The following CSMD1 variants were observed in gnomAD, a reference collection of about 807,000 sequenced individuals.
The protein encoded by CSMD1 is CUB and sushi domain-containing protein 1.
CSMD1 carries 213 observed loss-of-function variants against 417.5 expected under a neutral mutation model. That is an observed-to-expected ratio of 0.51 (90% CI 0.46 to 0.57). The LOEUF is 0.57. CSMD1 is among the 20% of genes least tolerant of loss of function. The probability of loss-of-function intolerance (pLI) is 0.00; values close to 1 mark genes in which losing one functional copy is unlikely to be tolerated. For synonymous variants in CSMD1, 2,862 were observed against 1,736.8 expected (o/e 1.65, Z -16.11); for missense variants, 6,923 against 4,529.7 (o/e 1.53, Z -15.17).
At chr8:4,378,225 G>T (rs955871502) in intron 3 of CSMD1, among the ~76,000 whole-genome samples, 2 of 152,148 alleles carry the variant, frequency 1.3e-5, no homozygotes, top group East Asian at 1.9e-4. Flanking sequence ...GTACTGATGA[G>T]ATTTCCTTAA....
chr8:4,593,886 A>G (rs1386542450), intron 2 of CSMD1, among the ~76,000 whole-genome samples: 2 of 152,216 alleles, frequency 1.3e-5, no homozygotes, highest in African/African-American at 2.4e-5. Context: ...GCTTAAAGCA[A>G]CAGGAATTTA....
chr8:4,833,550 G>C lies in CSMD1; in HGVS notation c.85+160782C>G, dbSNP rs539768009. Among the ~76,000 whole-genome samples, 12 of 152,320 alleles carry C rather than the reference G, an allele frequency of 7.9e-5. No individual in the cohort carries two copies. In the East Asian group the frequency reaches 2.1e-3, roughly 27 times the overall value. On this transcript the variant is annotated intron_variant, in intron 1 of 69. Coordinates refer to ENST00000635120, the MANE Select transcript of CSMD1 (RefSeq NM_033225.6). ...ACCCACTAACAGTTGCTGTTAAGTAGATAAGTCATTATAATAAACTGTGAT... is the reference window on the plus strand; with the variant it reads ...ACCCACTAACAGTTGCTGTTAAGTACATAAGTCATTATAATAAACTGTGAT...
chr8:4,696,911 T>C (rs991540994), intron 1 of CSMD1, among the ~76,000 whole-genome samples: 4 of 152,208 alleles, frequency 2.6e-5, no homozygotes, highest in African/African-American at 9.6e-5. Context: ...CAGTGGCTCA[T>C]TCCTGTAATC....
At chr8:4,153,771 T>A (rs1585435312) in intron 3 of CSMD1, among the ~76,000 whole-genome samples, 1 of 152,174 alleles carries the variant, frequency 6.6e-6, no homozygotes, top group East Asian at 1.9e-4. Context: ...TCTAAAACCC[T>A]TTGTCAGGGG....
chr8:4,112,476 C>A (rs184846341), intron 3 of CSMD1, among the ~76,000 whole-genome samples: 4 of 152,186 alleles, frequency 2.6e-5, no homozygotes, highest in African/African-American at 9.7e-5. Context: ...CTTCCACCCT[C>A]CTGCCAATGG....
At chr8:4,469,591 T>G (rs1800403263) in intron 2 of CSMD1, among the ~76,000 whole-genome samples, 2 of 151,974 alleles carry the variant, frequency 1.3e-5, no homozygotes, top group Non-Finnish European at 2.9e-5. Flanking sequence ...CACCTTGGAG[T>G]GGTCTTTGAC....
intron 5 of CSMD1, among the ~76,000 whole-genome samples, chr8:3,984,512 A>G (rs1379496180): frequency 6.6e-6 from 1 of 151,932 alleles, no homozygotes; most frequent in Non-Finnish European, 1.5e-5. Context: ...TGAATCCAGC[A>G]GTAATAAGTA....
intron 54 of CSMD1, among the ~76,000 whole-genome samples, chr8:2,980,943 G>A (rs1382260502): frequency 6.6e-6 from 1 of 152,172 alleles, no homozygotes; most frequent in Non-Finnish European, 1.5e-5. Flanking sequence ...CCCATGTGGG[G>A]AAACTCAGTG....
intron 3 of CSMD1, among the ~76,000 whole-genome samples, chr8:4,032,984 T>A (rs941624174): frequency 6.6e-6 from 1 of 152,010 alleles, no homozygotes; most frequent in African/African-American, 2.4e-5. Flanking sequence ...ACTGACAATC[T>A]GTTTGCGGAA....
At chr8:4,318,483 T>G (rs1799066406) in intron 3 of CSMD1, among the ~76,000 whole-genome samples, 1 of 152,058 alleles carries the variant, frequency 6.6e-6, no homozygotes, top group African/African-American at 2.4e-5. Context: ...GAAACAAAGC[T>G]TGCATTCAGG....
chr8:3,747,062 A>G (rs567798588), intron 6 of CSMD1, among the ~76,000 whole-genome samples: 25 of 152,222 alleles, frequency 1.6e-4, no homozygotes, highest in Non-Finnish European at 3.1e-4. Flanking sequence ...CAACTAAAAC[A>G]CGTTCTGATG....
chr8:4,008,761 G>T (rs1416009511), intron 4 of CSMD1, among the ~76,000 whole-genome samples: 1 of 151,392 alleles, frequency 6.6e-6, no homozygotes, highest in Non-Finnish European at 1.5e-5. Context: ...CAGGCATCCG[G>T]CACCACGCCT....
intron 3 of CSMD1, among the ~76,000 whole-genome samples, chr8:4,216,704 C>G (rs190143383): frequency 6.6e-6 from 1 of 152,238 alleles, no homozygotes; most frequent in African/African-American, 2.4e-5. Flanking sequence ...CACCAGTCAT[C>G]TAGGAGGAGG....
intron 2 of CSMD1, among the ~76,000 whole-genome samples, chr8:4,458,833 C>G (rs147098125): frequency 6.6e-6 from 1 of 152,296 alleles, no homozygotes; most frequent in African/African-American, 2.4e-5. Context: ...CAAAGACCCA[C>G]TTTCAGAACT....
chr8:3,027,071 G>C (rs1169572987), intron 51 of CSMD1, among the ~76,000 whole-genome samples: 1 of 151,716 alleles, frequency 6.6e-6, no homozygotes, highest in Non-Finnish European at 1.5e-5. Flanking sequence ...TCCAAAAAGA[G>C]AAAAAAAGAT....
At chr8:3,918,555 A>G (rs1808994605) in intron 5 of CSMD1, among the ~76,000 whole-genome samples, 1 of 152,082 alleles carries the variant, frequency 6.6e-6, no homozygotes, top group South Asian at 2.1e-4. Context: ...CTATTGAAGT[A>G]TATGCATTTC....
chr8:4,353,512 A>C (rs1300999358), intron 3 of CSMD1, among the ~76,000 whole-genome samples: 2 of 152,104 alleles, frequency 1.3e-5, no homozygotes, highest in Non-Finnish European at 2.9e-5. Flanking sequence ...AATCCACTGC[A>C]TATGATCTCA....
intron 7 of CSMD1, among the ~76,000 whole-genome samples, chr8:3,680,471 C>A (rs1468381075): frequency 1.3e-5 from 2 of 152,154 alleles, no homozygotes; most frequent in Non-Finnish European, 2.9e-5. Context: ...CATACACCCT[C>A]CCAAGACTAA....
intron 12 of CSMD1, among the ~76,000 whole-genome samples, chr8:3,444,987 C>T (rs890268927): frequency 2.0e-5 from 3 of 152,160 alleles, no homozygotes; most frequent in Non-Finnish European, 2.9e-5. Flanking sequence ...AACTCAAACT[C>T]GAACCTGTCC....
Sources: gnomAD v4.1 joint callset for allele counts (sites outside exome capture counted in the v4.1 genomes callset) on GRCh38, gnomAD v4.1.1 for gene constraint, MANE v1.5 for transcripts, NCBI Gene and HGNC (gene_info 2026-07-23, HGNC 2026-07-21) for gene names.